SLIT3: variants seen among roughly 807,000 people sequenced by gnomAD.
SLIT3 encodes the protein slit guidance ligand 3.
A neutral mutation model predicts 184.0 loss-of-function variants in SLIT3; 68 were observed. The ratio of observed to expected loss-of-function variants is 0.37; its 90% CI spans 0.30 to 0.45. The LOEUF (loss-of-function observed/expected upper bound fraction) is 0.45, where lower values mean the gene tolerates loss of function less well. Among genes scored for constraint, SLIT3 ranks in the 20% least tolerant of loss-of-function variants. SLIT3 has a pLI of 1.00. For synonymous variants in SLIT3, 831 were observed against 828.6 expected (o/e 1.00, Z -0.05); for missense variants, 1,707 against 2,026.0 (o/e 0.84, Z 3.02).
At chr5:169,221,635 T>A (rs1205807836) in intron 3 of SLIT3, among the ~76,000 whole-genome samples, 1 of 152,168 alleles carries the variant, frequency 6.6e-6, no homozygotes, top group Admixed American at 6.5e-5. Context: ...CTACCCCAGC[T>A]CCTCTCAGGT....
At chr5:169,081,574 C>A (rs1440435416) in intron 4 of SLIT3, among the ~76,000 whole-genome samples, 1 of 152,058 alleles carries the variant, frequency 6.6e-6, no homozygotes, top group African/African-American at 2.4e-5. Flanking sequence ...TCCCTCAGGG[C>A]CCCCGAGGAG....
At chr5:169,193,951 G>A (rs1479561942) in intron 3 of SLIT3, among the ~76,000 whole-genome samples, 5 of 151,994 alleles carry the variant, frequency 3.3e-5, no homozygotes, top group Admixed American at 3.3e-4. Flanking sequence ...AAACATAAAT[G>A]GGCCAGGCAC....
chr5:169,076,379 T>A (rs1581380175), intron 4 of SLIT3, among the ~76,000 whole-genome samples: 1 of 152,124 alleles, frequency 6.6e-6, no homozygotes, highest in Admixed American at 6.5e-5. Flanking sequence ...ATTAGTAAAA[T>A]GAGTGACTTC....
rs1329695404 is a variant in SLIT3 at position 169,032,874 on chromosome 5, G to A, written c.414-149538C>T. Among the ~76,000 whole-genome samples the A allele has an allele frequency of 6.1e-5, 9 of 147,268 alleles. No individual in the cohort carries two copies. The Admixed American group carries it at 6.1e-4, about 10-fold the overall frequency. ...CACATAGTAAAAAAGATACCACAGT[G>A]AAGCAAATTAACATAGCCATCATCT... On this transcript the variant is annotated intron_variant, in intron 4 of 35. Transcript: ENST00000519560.
chr5:169,253,058 G>A (rs1048952954), intron 1 of SLIT3, among the ~76,000 whole-genome samples: 2 of 151,272 alleles, frequency 1.3e-5, no homozygotes, highest in African/African-American at 4.9e-5. Flanking sequence ...AGACTTCTCT[G>A]GCTAATCTGA....
intron 4 of SLIT3, among the ~76,000 whole-genome samples, chr5:169,032,726 T>C (rs1581330402): frequency 6.6e-6 from 1 of 151,468 alleles, no homozygotes; most frequent in African/African-American, 2.4e-5. Flanking sequence ...ATCTAAACTA[T>C]CTAACAGGAC....
intron 25 of SLIT3, chr5:168,708,602 C>T: frequency 5.7e-6 from 1 of 176,692 alleles, no homozygotes; most frequent in East Asian, 1.6e-4. Context: ...TGGATGGCCC[C>T]AGAGGACACA....
intron 4 of SLIT3, among the ~76,000 whole-genome samples, chr5:169,041,266 G>A (rs1757439594): frequency 6.6e-6 from 1 of 152,182 alleles, no homozygotes; most frequent in South Asian, 2.1e-4. Context: ...CGAGCACATA[G>A]GCTGTATGCT....
chr5:169,301,061 GGGCTGGGGAGCGCGGCGGCTGC>G lies in SLIT3; in HGVS notation c.-374_-353del, dbSNP rs1232618876. The G allele has an allele frequency of 6.5e-6, 1 of 154,030 alleles. No homozygotes were observed. Among genetic ancestry groups the G allele is most frequent in the Admixed American group, 6.5e-5 (1 of 15,286 alleles). 9.5% of individuals were successfully genotyped at this position (154,030 alleles called of 1,614,324 possible). A position where few individuals can be genotyped will look rare whatever the true frequency, so the allele number is the denominator to read the frequency against. On this transcript the variant is annotated 5_prime_UTR_variant, in exon 1 of 36. The change abolishes the stop of an existing upstream ORF in the 5' untranslated region. Coordinates refer to ENST00000519560, the MANE Select transcript of SLIT3 (RefSeq NM_003062.4). The stretch of plus-strand genomic sequence containing the variant: ...GCCCGGGGAGGTCCGGCTTGGGGCT[GGGCTGGGGAGCGCGGCGGCTGC>G]GGCTGGGGCACGGGGCGGCCGGGTG...
chr5:169,036,727 A>G (rs1339825058), intron 4 of SLIT3, among the ~76,000 whole-genome samples: 1 of 152,182 alleles, frequency 6.6e-6, no homozygotes, highest in Non-Finnish European at 1.5e-5. Flanking sequence ...GAGAATTGAC[A>G]CATGCTCGAT....
chr5:168,843,964 C>T (rs1035338349), intron 6 of SLIT3, among the ~76,000 whole-genome samples: 2 of 152,006 alleles, frequency 1.3e-5, no homozygotes, highest in African/African-American at 4.8e-5. Flanking sequence ...CCTCTCATCT[C>T]CCCCTATTTC....
At chr5:169,036,084 T>C (rs1320421688) in intron 4 of SLIT3, 1 of 152,260 alleles carries the variant, frequency 6.6e-6, no homozygotes, top group Non-Finnish European at 1.5e-5. Context: ...CTTTCAAATA[T>C]GTTTTTTCTC....
At chr5:169,035,731 AG>A (rs1194849147) in intron 4 of SLIT3, among the ~76,000 whole-genome samples, 1 of 152,096 alleles carries the variant, frequency 6.6e-6, no homozygotes, top group Non-Finnish European at 1.5e-5. Context: ...TCTATTTCCA[AG>A]ATGAGGCATC....
chr5:168,753,172 G>C (rs1754776758), intron 17 of SLIT3, 74 bp from the exon 18 acceptor site: 7 of 1,520,138 alleles, frequency 4.6e-6, no homozygotes, highest in Non-Finnish European at 5.4e-6. Context: ...ACGGTGGTGT[G>C]TGTGTGTGTA....
intron 7 of SLIT3, among the ~76,000 whole-genome samples, chr5:168,821,590 T>C (rs780037954): frequency 7.2e-5 from 11 of 152,180 alleles, no homozygotes; most frequent in Non-Finnish European, 1.5e-4. Context: ...AAGGAACAGA[T>C]TTTCTTGGCT....
intron 23 of SLIT3, among the ~76,000 whole-genome samples, chr5:168,718,710 A>T (rs1299482105): frequency 9.3e-5 from 13 of 139,272 alleles, no homozygotes; most frequent in African/African-American, 3.7e-4. Flanking sequence ...ACACACACAC[A>T]CACACACACA....
intron 22 of SLIT3, among the ~76,000 whole-genome samples, chr5:168,722,719 C>T (rs200465836): frequency 6.6e-6 from 1 of 152,208 alleles, no homozygotes; most frequent in Non-Finnish European, 1.5e-5. Context: ...TCTTCAGAAG[C>T]GACGAGGTTC....
At chr5:168,953,969 G>A (rs1476306162) in intron 4 of SLIT3, among the ~76,000 whole-genome samples, 1 of 151,630 alleles carries the variant, frequency 6.6e-6, no homozygotes, top group African/African-American at 2.4e-5. Flanking sequence ...CAGTCATAAT[G>A]GGCCCCCAAA....
intron 1 of SLIT3, among the ~76,000 whole-genome samples, chr5:169,287,327 C>A (rs1004155944): frequency 1.3e-5 from 2 of 152,190 alleles, no homozygotes; most frequent in Non-Finnish European, 2.9e-5. Context: ...GATCTGCCAT[C>A]CCGAGTCACC....
Sources: gnomAD v4.1 joint callset for allele counts (sites outside exome capture counted in the v4.1 genomes callset) on GRCh38, gnomAD v4.1.1 for gene constraint, MANE v1.5 for transcripts, NCBI Gene and HGNC (gene_info 2026-07-23, HGNC 2026-07-21) for gene names.